Variants in ICA1L observed in about 807,000 individuals in gnomAD.
ICA1L encodes islet cell autoantigen 1 like.
Under a neutral mutation model 61.3 loss-of-function variants are expected in ICA1L, and 50 were observed. The observed-to-expected ratio is 0.82, with a 90% CI of 0.65 to 1.03. The LOEUF is 1.03. ICA1L is among the 50% of genes least tolerant of loss of function. The pLI is 0.00. For missense variants in ICA1L, 508 were observed against 556.7 expected, an observed-to-expected ratio of 0.91 and a Z score of 0.88; for synonymous variants, 161 against 191.3, an observed-to-expected ratio of 0.84 and a Z score of 1.31.
intron 3 of ICA1L, among the ~76,000 whole-genome samples, chr2:202,823,125 A>C (rs934561415): frequency 1.3e-5 from 2 of 152,162 alleles, no homozygotes; most frequent in Non-Finnish European, 2.9e-5. Flanking sequence ...ATGATCACTG[A>C]AGCTTACCTT....
chr2:202,812,485 G>A (rs931330822), intron 8 of ICA1L, among the ~76,000 whole-genome samples: 5 of 152,062 alleles, frequency 3.3e-5, no homozygotes, highest in Non-Finnish European at 2.9e-5. Context: ...GCTGAGGCAG[G>A]AGAATCACTT....
chr2:202,774,166 C>G lies in ICA1L; in HGVS notation c.*5367G>C, dbSNP rs1357274288. 6.5e-7 allele frequency: 1 copy of G among 1,545,888 alleles called. No individual in the cohort carries two copies. Among genetic ancestry groups the G allele is most frequent in the African/African-American group, 1.4e-5 (1 of 72,926 alleles). On this transcript the variant is annotated 3_prime_UTR_variant, in exon 13 of 13. Transcript: ENST00000358299. ...CATTTGTTGATGCTTCATATCTGAG[C>G]GGCTTCTTGGAGAGCGGGCACACCA... is the stretch of plus-strand genomic sequence containing the variant.
At chr2:202,852,974 G>A (rs1297347691) in intron 1 of ICA1L, among the ~76,000 whole-genome samples, 1 of 151,812 alleles carries the variant, frequency 6.6e-6, no homozygotes, top group Non-Finnish European at 1.5e-5. Context: ...TTTAATAAAT[G>A]GTGCTGGTAA....
chr2:202,774,300 C>G lies in ICA1L; in HGVS notation c.*5233G>C, dbSNP rs1692147121. The G allele has an allele frequency of 2.0e-6, 3 of 1,513,626 alleles. No individual in the cohort carries two copies. Among genetic ancestry groups the G allele is most frequent in the Non-Finnish European group, 2.6e-6 (3 of 1,136,922 alleles). The allele number at this position is 1,513,626 out of a possible 1,614,324, so 93.8% of individuals were successfully genotyped here. A position where few individuals can be genotyped will look rare whatever the true frequency, so the allele number is the denominator to read the frequency against. On this transcript the variant is annotated 3_prime_UTR_variant, in exon 13 of 13. Coordinates refer to ENST00000358299, the MANE Select transcript of ICA1L (RefSeq NM_001288622.3). ...GCGTGCAGGCACCTACGGGCGACCG[C>G]GGACGGCGGCGCGCGCGTTCCCCGC...
chr2:202,781,503 G>C (rs756844545), intron 12 of ICA1L, among the ~76,000 whole-genome samples: 1 of 151,522 alleles, frequency 6.6e-6, no homozygotes, highest in Non-Finnish European at 1.5e-5. Context: ...GAATCCGGGA[G>C]GCAGAGGTTG....
chr2:202,790,775 AAG>A (rs952420448), intron 10 of ICA1L, among the ~76,000 whole-genome samples: 2 of 152,146 alleles, frequency 1.3e-5, no homozygotes, highest in African/African-American at 4.8e-5. Flanking sequence ...TTCATGAAGA[AAG>A]AGGCAAGCCA....
chr2:202,811,503 CA>C (rs1286684869), intron 9 of ICA1L, among the ~76,000 whole-genome samples: 6 of 149,818 alleles, frequency 4.0e-5, no homozygotes, highest in East Asian at 1.9e-4. Context: ...ACTAAAAATA[CA>C]AAAAAAAATT....
At chr2:202,810,873 G>C (rs1211519889) in intron 9 of ICA1L, among the ~76,000 whole-genome samples, 1 of 152,070 alleles carries the variant, frequency 6.6e-6, no homozygotes, top group Non-Finnish European at 1.5e-5. Context: ...CTCCTGTAGC[G>C]CTCCCAGGCT....
At chr2:202,836,800 T>TATATAGATATAG (rs1694161064) in intron 1 of ICA1L, among the ~76,000 whole-genome samples, 1 of 145,790 alleles carries the variant, frequency 6.9e-6, no homozygotes, top group African/African-American at 2.5e-5. Flanking sequence ...TATATCTATA[T>TATATAGATATAG]ATATAGATAT....
At chr2:202,832,293 G>A (rs1010257634) in intron 1 of ICA1L, among the ~76,000 whole-genome samples, 6 of 152,032 alleles carry the variant, frequency 3.9e-5, no homozygotes, top group African/African-American at 1.4e-4. Flanking sequence ...TACTCCAGTG[G>A]GGAAAGGGCA....
At chr2:202,833,556 G>T (rs967432211) in intron 1 of ICA1L, among the ~76,000 whole-genome samples, 1 of 152,074 alleles carries the variant, frequency 6.6e-6, no homozygotes, top group African/African-American at 2.4e-5. Context: ...CTGCACTCCA[G>T]CCTGGGCGAC....
At chr2:202,791,722 T>C (rs1692756899) in intron 10 of ICA1L, among the ~76,000 whole-genome samples, 1 of 151,898 alleles carries the variant, frequency 6.6e-6, no homozygotes. Flanking sequence ...GGCGCATGCC[T>C]GTAATCCCAG....
At chr2:202,830,566 A>G (rs1329225358) in intron 1 of ICA1L, among the ~76,000 whole-genome samples, 2 of 152,248 alleles carry the variant, frequency 1.3e-5, no homozygotes, top group Non-Finnish European at 2.9e-5. Flanking sequence ...TTATTCCAAC[A>G]AACTGTAAGA....
At chr2:202,822,966 G>A (rs1693738327) in intron 3 of ICA1L, among the ~76,000 whole-genome samples, 2 of 152,198 alleles carry the variant, frequency 1.3e-5, no homozygotes, top group South Asian at 4.1e-4. Context: ...GATTACTTGA[G>A]AGATGTACAG....
At chr2:202,796,017 T>A (rs1342610853) in intron 10 of ICA1L, among the ~76,000 whole-genome samples, 1 of 149,902 alleles carries the variant, frequency 6.7e-6, no homozygotes, top group African/African-American at 2.5e-5. Context: ...CTCTTCAGCC[T>A]GGATGACAGA....
chr2:202,788,877 G>A lies in ICA1L; in HGVS notation c.1196C>T (p.Pro399Leu). 1 of 1,614,128 alleles carries A rather than the reference G, an allele frequency of 6.2e-7. No homozygotes were observed. The highest frequency in any genetic ancestry group is 8.5e-7 in the Non-Finnish European group (1 of 1,180,000). Residue 399 changes from proline (P) to leucine (L), a missense_variant, in exon 11 of 13, where the codon CCT becomes CTT. Pro to Leu is a moderately conservative substitution (Grantham distance 98). Transcript: ENST00000358299. ...AAAGCCAAGGTCAAAGAGTTGTGAAGGAAGGAATCGAGAAGAATGAGCGAG... is the reference window on the plus strand; with the variant it reads ...AAAGCCAAGGTCAAAGAGTTGTGAAAGAAGGAATCGAGAAGAATGAGCGAG... ...EPLAHSSRFL[P>L]SQLFDLGFHV...
At chr2:202,826,517 G>A (rs1454112295) in intron 2 of ICA1L, among the ~76,000 whole-genome samples, 2 of 152,150 alleles carry the variant, frequency 1.3e-5, no homozygotes, top group East Asian at 1.9e-4. Flanking sequence ...TGTCACCCAG[G>A]CTGGAGTGCA....
At chr2:202,786,378 C>G (rs1692581543) in intron 11 of ICA1L, among the ~76,000 whole-genome samples, 1 of 151,052 alleles carries the variant, frequency 6.6e-6, no homozygotes, top group South Asian at 2.1e-4. Context: ...AACCCCGTCT[C>G]TACTAAAAAA....
rs1300128115 is a variant in ICA1L at position 202,773,489 on chromosome 2, T to C, written c.*6044A>G. On this transcript the variant is annotated 3_prime_UTR_variant, in exon 13 of 13. Transcript: ENST00000358299. The stretch of plus-strand genomic sequence containing the variant: ...GGGATGTTTATCTCCAACAAGACAC[T>C]GTCAAAATGTTTCTTCTGATAAAGC... 7.4e-6 allele frequency: 2 copies of C among 269,818 alleles called. No individual in the cohort carries two copies. Among genetic ancestry groups the C allele is most frequent in the Non-Finnish European group, 1.4e-5 (2 of 142,236 alleles). 16.7% of individuals were successfully genotyped at this position (269,818 alleles called of 1,614,324 possible).
Sources: allele counts gnomAD v4.1 joint callset (sites outside exome capture counted in the v4.1 genomes callset), GRCh38; gene constraint gnomAD v4.1.1; transcripts MANE v1.5; gene names NCBI Gene and HGNC (gene_info 2026-07-23, HGNC 2026-07-21).